The following CERT1 variants were observed in gnomAD, a reference collection of about 807,000 sequenced individuals.
CERT1 encodes ceramide transporter 1, also known as ceramide transfer protein.
A neutral mutation model predicts 87.9 loss-of-function variants in CERT1; 31 were observed. The observed-to-expected ratio is 0.35, with a 90% CI of 0.27 to 0.48. The LOEUF is 0.48. Ranked by LOEUF, CERT1 falls within the 20% of genes least tolerant of loss-of-function variation. The pLI is 0.99. For missense variants in CERT1, 487 were observed against 758.0 expected, an observed-to-expected ratio of 0.64 and a Z score of 4.20; for synonymous variants, 289 against 250.9, an observed-to-expected ratio of 1.15 and a Z score of -1.44.
At chr5:75,452,442 T>G (rs1677161468) in intron 3 of CERT1, among the ~76,000 whole-genome samples, 1 of 152,200 alleles carries the variant, frequency 6.6e-6, no homozygotes, top group Admixed American at 6.5e-5. Flanking sequence ...AAATGATTTT[T>G]AAATCTCTTA....
At chr5:75,447,342 CATA>C (rs1764587288) in intron 3 of CERT1, among the ~76,000 whole-genome samples, 2 of 151,890 alleles carry the variant, frequency 1.3e-5, no homozygotes, top group Non-Finnish European at 1.5e-5. Flanking sequence ...TATCTCCATC[CATA>C]ATGTTTTTGA....
At chr5:75,491,596 A>G (rs1766801519) in intron 2 of CERT1, among the ~76,000 whole-genome samples, 1 of 152,106 alleles carries the variant, frequency 6.6e-6, no homozygotes. Context: ...CAAGGAACAT[A>G]TCTTGGTCTA....
chr5:75,486,206 A>G (rs865916993), intron 2 of CERT1, among the ~76,000 whole-genome samples: 1 of 152,178 alleles, frequency 6.6e-6, no homozygotes, highest in African/African-American at 2.4e-5. Context: ...AACATACGCA[A>G]ATCTACGTGG....
Position 75,411,053 on chromosome 5 carries a change from T to C in CERT1, c.888A>G (p.Thr296=), listed in dbSNP as rs867034903. 3.8e-6 allele frequency: 6 copies of C among 1,596,970 alleles called. No homozygotes were observed. Among genetic ancestry groups the C allele is most frequent in the East Asian group, 2.2e-5 (1 of 44,544 alleles). The change falls in exon 8 of 17, where the codon ACA becomes ACG. Residue 296 remains threonine (T), a synonymous_variant. Transcript: ENST00000643780. ...CAAAGTGGGATTTTTTCTTAAGTTCTGTCATTGCATTTTTATATGCTTCCT... is the reference window on the plus strand; with the variant it reads ...CAAAGTGGGATTTTTTCTTAAGTTCCGTCATTGCATTTTTATATGCTTCCT... ...RTEEAYKNAM[T]ELKKKSHFGG...
intron 2 of CERT1, among the ~76,000 whole-genome samples, chr5:75,460,655 G>C (rs1403491078): frequency 1.3e-5 from 2 of 152,050 alleles, no homozygotes; most frequent in Non-Finnish European, 2.9e-5. Flanking sequence ...ATCCGCTCTG[G>C]GCAACACGAC....
chr5:75,507,188 G>A (rs1351812990), intron 1 of CERT1, among the ~76,000 whole-genome samples: 1 of 152,036 alleles, frequency 6.6e-6, no homozygotes, highest in Non-Finnish European at 1.5e-5. Flanking sequence ...GAGTGCAGTG[G>A]CACCATCTCA....
intron 8 of CERT1, among the ~76,000 whole-genome samples, chr5:75,406,879 T>C (rs1412887344): frequency 6.6e-6 from 1 of 152,108 alleles, no homozygotes; most frequent in Non-Finnish European, 1.5e-5. Flanking sequence ...AAATTTAAGA[T>C]TATAAAGTAA....
intron 11 of CERT1, among the ~76,000 whole-genome samples, chr5:75,390,862 G>A (rs987965277): frequency 8.5e-5 from 13 of 152,112 alleles, no homozygotes; most frequent in Admixed American, 2.0e-4. Flanking sequence ...GGAGTGCAGC[G>A]GCACAATCAT....
At chr5:75,511,794 AGGAGGAGC>A, upstream of CERT1, 1 of 1,551,366 alleles carries the variant, frequency 6.4e-7, no homozygotes, top group Non-Finnish European at 8.7e-7. Flanking sequence ...GTAGAAAAGC[AGGAGGAGC>A]GGAGAAAGGA....
At chr5:75,488,476 AAACT>A (rs1274168210) in intron 2 of CERT1, among the ~76,000 whole-genome samples, 5 of 152,182 alleles carry the variant, frequency 3.3e-5, no homozygotes, top group African/African-American at 1.2e-4. Flanking sequence ...GTGAATTTAA[AAACT>A]AATAAATTAT....
chr5:75,500,997 T>C (rs1580862607), intron 2 of CERT1, among the ~76,000 whole-genome samples: 1 of 151,634 alleles, frequency 6.6e-6, no homozygotes, highest in South Asian at 2.1e-4. Context: ...TTTTTTTGTT[T>C]TTTTTTTTTG....
At chr5:75,446,514 T>C (rs990440544) in intron 3 of CERT1, among the ~76,000 whole-genome samples, 7 of 152,210 alleles carry the variant, frequency 4.6e-5, no homozygotes, top group African/African-American at 1.4e-4. Context: ...ACAGTTCCTG[T>C]TGATCTACAT....
intron 5 of CERT1, among the ~76,000 whole-genome samples, chr5:75,421,708 C>G (rs965962757): frequency 2.0e-5 from 3 of 152,134 alleles, no homozygotes; most frequent in Non-Finnish European, 4.4e-5. Flanking sequence ...TGGCATAATC[C>G]CATAAAGATG....
At chr5:75,487,500 C>T (rs1766577561) in intron 2 of CERT1, among the ~76,000 whole-genome samples, 1 of 151,930 alleles carries the variant, frequency 6.6e-6, no homozygotes, top group Admixed American at 6.6e-5. Context: ...AGTTAAAAGG[C>T]GTCTCTACAG....
At chr5:75,487,689 A>G (rs1432529661) in intron 2 of CERT1, among the ~76,000 whole-genome samples, 1 of 152,102 alleles carries the variant, frequency 6.6e-6, no homozygotes, top group East Asian at 1.9e-4. Context: ...TACTCAAAAG[A>G]CAACATACAC....
At chr5:75,507,549 G>A (rs1365688903) in intron 1 of CERT1, among the ~76,000 whole-genome samples, 1 of 152,088 alleles carries the variant, frequency 6.6e-6, no homozygotes, top group African/African-American at 2.4e-5. Flanking sequence ...TTAGACACGG[G>A]CTTGAAATAA....
chr5:75,426,972 C>T (rs2112190106), intron 3 of CERT1, among the ~76,000 whole-genome samples: 1 of 152,294 alleles, frequency 6.6e-6, no homozygotes, highest in South Asian at 2.1e-4. Flanking sequence ...ATCACAATTA[C>T]AGCATTTACC....
chr5:75,385,963 G>GC lies in CERT1; in HGVS notation c.1355dup (p.Val453ArgfsTer5). The GC allele has an allele frequency of 1.3e-6, 2 of 1,595,558 alleles. No homozygotes were observed. Among genetic ancestry groups the GC allele is most frequent in the Non-Finnish European group, 1.7e-6 (2 of 1,170,638 alleles). On this transcript the variant is annotated frameshift_variant, in exon 13 of 17. Transcript: ENST00000643780. LOFTEE classifies it high-confidence loss of function. ...AATTGCAGACTTCATGTCCTGTGAC[G>GC]CCTTTAACTGCATGGGTAGCTTTTA...
In CERT1 at chr5:75,459,242, C is replaced by G. The variant is rs531069164; in HGVS notation, c.232-61G>C. 1.6e-5 allele frequency: 16 copies of G among 972,694 alleles called. No individual in the cohort carries two copies. The African/African-American group carries it at 1.9e-4, about 12-fold the overall frequency. 60.3% of individuals were successfully genotyped at this position (972,694 alleles called of 1,614,324 possible). On this transcript the variant is annotated intron_variant, in intron 2 of 16. Transcript: ENST00000643780. The stretch of plus-strand genomic sequence containing the variant: ...AATTATATCCTTAGAAGTGTTACAC[C>G]CCAAAGCCAAAACATGAACATACTC...
Sources: gnomAD v4.1 joint callset for allele counts (sites outside exome capture counted in the v4.1 genomes callset) on GRCh38, gnomAD v4.1.1 for gene constraint, MANE v1.5 for transcripts, NCBI Gene and HGNC (gene_info 2026-07-23, HGNC 2026-07-21) for gene names.